Variants in GALNT13 observed in about 807,000 individuals in gnomAD.
GALNT13 encodes the protein UDP-GalNAc:polypeptide N-acetylgalactosaminyltransferase 13.
GALNT13 carries 28 observed loss-of-function variants against 64.2 expected under a neutral mutation model. That is an observed-to-expected ratio of 0.44 (90% CI 0.32 to 0.60). GALNT13 has a LOEUF of 0.60. Among genes scored for constraint, GALNT13 ranks in the 20% least tolerant of loss-of-function variants. GALNT13 has a pLI of 0.05. For synonymous variants in GALNT13, 214 were observed against 224.6 expected (o/e 0.95, Z 0.42); for missense variants, 577 against 669.8 (o/e 0.86, Z 1.53).
At position 154,089,982 on chromosome 2, in the gene GALNT13, T is replaced by C. The variant is rs370522280; in HGVS notation, c.143-50355T>C. ...ATGAATACATATATTTATGTGTCAG[T>C]AATTGGGCCAGATACTAAGAGGAAA... On this transcript the variant is annotated intron_variant, in intron 3 of 12. Transcript: ENST00000392825. 1.2e-4 allele frequency among the ~76,000 whole-genome samples: 19 copies of C among 152,198 alleles called. No homozygotes were observed. In the East Asian group the frequency reaches 2.7e-3, roughly 22 times the overall value.
At chr2:153,523,839 A>G in the GALNT13 span, among the ~76,000 whole-genome samples, 1 of 152,082 alleles carries the variant, frequency 6.6e-6, no homozygotes, top group Non-Finnish European at 1.5e-5. Context: ...TTCCAGTATG[A>G]TGTTGAAAGG....
the GALNT13 span, among the ~76,000 whole-genome samples, chr2:153,768,634 G>A: frequency 2.0e-5 from 3 of 152,098 alleles, no homozygotes; most frequent in African/African-American, 7.2e-5. Flanking sequence ...GGAGGCCAAG[G>A]GGGACAGATC....
At chr2:154,023,319 G>A (rs753543856) in intron 3 of GALNT13, among the ~76,000 whole-genome samples, 2 of 152,138 alleles carry the variant, frequency 1.3e-5, no homozygotes, top group Non-Finnish European at 2.9e-5. Context: ...ATTATTGTGT[G>A]GGAGTATAAG....
chr2:153,229,201 C>G, the GALNT13 span, among the ~76,000 whole-genome samples: 1 of 152,294 alleles, frequency 6.6e-6, no homozygotes, highest in South Asian at 2.1e-4. Context: ...AATTTTCCAG[C>G]TTTATACCAG....
At chr2:153,974,752 C>T (rs1291810107) in intron 3 of GALNT13, among the ~76,000 whole-genome samples, 1 of 151,922 alleles carries the variant, frequency 6.6e-6, no homozygotes, top group Non-Finnish European at 1.5e-5. Flanking sequence ...GTCATGGTTA[C>T]CAGAAGAATT....
At chr2:153,756,971 A>G in the GALNT13 span, among the ~76,000 whole-genome samples, 5 of 152,132 alleles carry the variant, frequency 3.3e-5, no homozygotes, top group East Asian at 1.9e-4. Flanking sequence ...TTTTTTAGAC[A>G]GTATTTTTTA....
At chr2:153,615,436 T>C in the GALNT13 span, among the ~76,000 whole-genome samples, 1 of 152,038 alleles carries the variant, frequency 6.6e-6, no homozygotes, top group East Asian at 1.9e-4. Flanking sequence ...TTTTAGTTTT[T>C]TGAGGAACCT....
the GALNT13 span, among the ~76,000 whole-genome samples, chr2:153,758,222 C>A: frequency 6.6e-5 from 10 of 151,570 alleles, no homozygotes; most frequent in Non-Finnish European, 1.2e-4. Context: ...TCCCCATATC[C>A]TTTATTGAAG....
chr2:153,736,030 C>G, the GALNT13 span, among the ~76,000 whole-genome samples: 26 of 152,282 alleles, frequency 1.7e-4, no homozygotes, highest in Middle Eastern at 3.4e-3. Context: ...CCTTATCAAA[C>G]TTTCATCTAC....
chr2:154,229,374 T>A (rs1295195880), intron 4 of GALNT13, among the ~76,000 whole-genome samples: 3 of 151,684 alleles, frequency 2.0e-5, no homozygotes, highest in East Asian at 1.9e-4. Context: ...TATATAATTT[T>A]AAAAATTCTA....
At chr2:154,311,301 G>A (rs931957389) in intron 9 of GALNT13, among the ~76,000 whole-genome samples, 19 of 151,994 alleles carry the variant, frequency 1.3e-4, no homozygotes, top group African/African-American at 2.2e-4. Context: ...TTTCCTAAGC[G>A]TCGACTGGCT....
the GALNT13 span, among the ~76,000 whole-genome samples, chr2:153,622,914 T>G: frequency 1.7e-4 from 26 of 152,120 alleles, no homozygotes; most frequent in African/African-American, 5.5e-4. Flanking sequence ...TGAGAATGAT[T>G]TCTAGGTGAA....
chr2:153,652,320 T>A, the GALNT13 span, among the ~76,000 whole-genome samples: 1 of 152,168 alleles, frequency 6.6e-6, no homozygotes, highest in Admixed American at 6.6e-5. Flanking sequence ...ACAAATGGAC[T>A]TATAAATTTA....
chr2:153,592,260 C>G, the GALNT13 span, among the ~76,000 whole-genome samples: 1 of 152,048 alleles, frequency 6.6e-6, no homozygotes, highest in African/African-American at 2.4e-5. Flanking sequence ...TACAATCTCT[C>G]TGGAAGACAG....
chr2:153,529,335 A>G, the GALNT13 span, among the ~76,000 whole-genome samples: 8 of 152,190 alleles, frequency 5.3e-5, no homozygotes, highest in Non-Finnish European at 1.0e-4. Context: ...ATTCCTACAC[A>G]GATATGACCT....
rs1302224686 is a variant in GALNT13 at position 154,041,307 on chromosome 2, C to T, written c.142+96668C>T. 2.1e-5 allele frequency among the ~76,000 whole-genome samples: 3 copies of T among 140,666 alleles called. 1 individual carries two copies. The Admixed American group carries it at 2.1e-4, about 10-fold the overall frequency. The allele number at this position is 140,666 out of a possible 152,430, so 92.3% of individuals were successfully genotyped here. A position where few individuals can be genotyped will look rare whatever the true frequency, so the allele number is the denominator to read the frequency against. Reference sequence around the variant, plus strand: ...TTATTTTGCTTGTATTCCACAATAACTGTGTTATTACTTCCAATCTTTGAT... The same window carrying T: ...TTATTTTGCTTGTATTCCACAATAATTGTGTTATTACTTCCAATCTTTGAT... On this transcript the variant is annotated intron_variant, in intron 3 of 12. Transcript: ENST00000392825.
At chr2:153,356,555 TGCACAAC>T in the GALNT13 span, 1 of 152,178 alleles carries the variant, frequency 6.6e-6, no homozygotes, top group Non-Finnish European at 1.5e-5. Context: ...AATGAGAGAG[TGCACAAC>T]GTGCCAAATG....
the GALNT13 span, among the ~76,000 whole-genome samples, chr2:153,558,617 T>A: frequency 6.6e-6 from 1 of 152,074 alleles, no homozygotes; most frequent in Non-Finnish European, 1.5e-5. Context: ...TTTTTTTTTT[T>A]AACCAATAAT....
intron 7 of GALNT13, among the ~76,000 whole-genome samples, chr2:154,252,727 AT>A (rs1690143910): frequency 8.0e-5 from 1 of 12,560 alleles, no homozygotes; most frequent in African/African-American, 2.3e-4. Flanking sequence ...ATGGAAAAAG[AT>A]AGATAGATAG....
Sources: gnomAD v4.1 joint callset for allele counts (sites outside exome capture counted in the v4.1 genomes callset) on GRCh38, gnomAD v4.1.1 for gene constraint, MANE v1.5 for transcripts, NCBI Gene and HGNC (gene_info 2026-07-23, HGNC 2026-07-21) for gene names.